The following STK40 variants were observed in gnomAD, a reference collection of about 807,000 sequenced individuals.
STK40 encodes the protein serine/threonine-protein kinase 40.
A neutral mutation model predicts 47.9 loss-of-function variants in STK40; 13 were observed. The ratio of observed to expected loss-of-function variants is 0.27; its 90% CI spans 0.18 to 0.43. The LOEUF (loss-of-function observed/expected upper bound fraction) is 0.43. STK40 is among the 20% of genes least tolerant of loss of function. The pLI, the probability that STK40 is intolerant of heterozygous loss-of-function variation, is 1.00. For missense variants in STK40, 460 were observed against 595.1 expected (o/e 0.77, Z 2.36); for synonymous variants, 225 against 243.2 (o/e 0.93, Z 0.69).
At chr1:36,374,759 C>T (rs746427233) in intron 1 of STK40, among the ~76,000 whole-genome samples, 22 of 152,224 alleles carry the variant, frequency 1.4e-4, no homozygotes, top group Non-Finnish European at 2.8e-4. Context: ...AGGGTGCCTT[C>T]TGCCATGCGC....
chr1:36,339,900 C>G lies in STK40; in HGVS notation c.*1855G>C, dbSNP rs1461185918. On this transcript the variant is annotated 3_prime_UTR_variant, in exon 11 of 11. Coordinates refer to ENST00000373132, the MANE Select transcript of STK40 (RefSeq NM_001282547.2). ...ATTGCTTTGAAAAGGAGGAGAAAGA[C>G]CACGCACGGGCAGCAGCCTGGAGGG... The G allele has an allele frequency of 6.6e-6, 1 of 152,470 alleles. No homozygotes were observed. The highest frequency in any genetic ancestry group is 1.9e-4 in the East Asian group (1 of 5,180). The allele number at this position is 152,470 out of a possible 1,614,324, so 9.4% of individuals were successfully genotyped here.
chr1:36,349,386 G>A (rs532821603), intron 6 of STK40, among the ~76,000 whole-genome samples: 2 of 152,294 alleles, frequency 1.3e-5, no homozygotes, highest in African/African-American at 2.4e-5. Flanking sequence ...ATTTTCTCAC[G>A]GTCCTGTTTC....
chr1:36,350,859 A>G (rs1490690877), intron 6 of STK40, among the ~76,000 whole-genome samples: 1 of 152,204 alleles, frequency 6.6e-6, no homozygotes, highest in South Asian at 2.1e-4. Context: ...TGCAGGGCTG[A>G]GCGGCAGGCG....
chr1:36,343,182 G>A (rs1379694848), intron 10 of STK40, 182 bp downstream of exon 10: 1 of 750,524 alleles, frequency 1.3e-6, no homozygotes, highest in East Asian at 2.7e-5. Context: ...CCAAGCCCAA[G>A]GCAGGCCCCA....
At position 36,358,365 on chromosome 1, in the gene STK40, C is replaced by A; in HGVS notation, c.216G>T (p.Glu72Asp). ...FYQLKILTLE[E>D]RGDQGIESQE... ...GGCTCTCTATGCCTTGGTCCCCCCT[C>A]TCCTCCAGGGTCAGGATCTTTAGGA... Residue 72 changes from glutamate (E) to aspartate (D), a missense_variant, in exon 4 of 11, where the codon GAG (glutamate) becomes GAT (aspartate). Glu to Asp is a conservative substitution (Grantham distance 45, BLOSUM62 2). This residue lies in a region of STK40 where 277 missense variants were observed against 358.7 expected (regional missense o/e 0.77). Transcript: ENST00000373132. 1.2e-6 allele frequency: 2 copies of A among 1,604,030 alleles called. No homozygotes were observed. Among genetic ancestry groups the A allele is most frequent in the South Asian group, 1.1e-5 (1 of 90,816 alleles).
intron 1 of STK40, among the ~76,000 whole-genome samples, chr1:36,376,305 G>A (rs1361122855): frequency 6.6e-6 from 1 of 152,152 alleles, no homozygotes; most frequent in African/African-American, 2.4e-5. Flanking sequence ...CTTATATGTA[G>A]GTCTCGAGAA....
At chr1:36,355,123 G>T in intron 5 of STK40, 83 bp downstream of exon 5, 2 of 1,418,936 alleles carry the variant, frequency 1.4e-6, no homozygotes, top group Non-Finnish European at 2.0e-6. Context: ...TGGGTGCACA[G>T]GACAGAGCTG....
chr1:36,379,840 T>C (rs1647025302), intron 1 of STK40, among the ~76,000 whole-genome samples: 1 of 152,168 alleles, frequency 6.6e-6, no homozygotes, highest in Non-Finnish European at 1.5e-5. Flanking sequence ...TAATAAAGGA[T>C]AGTCTTTGAG....
At chr1:36,344,563 C>T (rs989986568) in intron 7 of STK40, among the ~76,000 whole-genome samples, 1 of 152,224 alleles carries the variant, frequency 6.6e-6, no homozygotes, top group African/African-American at 2.4e-5. Flanking sequence ...AGCTCACAAG[C>T]AGGGGGTCAA....
At chr1:36,352,927 G>A (rs888874960) in intron 6 of STK40, among the ~76,000 whole-genome samples, 2 of 152,230 alleles carry the variant, frequency 1.3e-5, no homozygotes, top group African/African-American at 4.8e-5. Context: ...GCACAGCATC[G>A]TCCCGATGGC....
chr1:36,377,468 G>A (rs1172482391), intron 1 of STK40, among the ~76,000 whole-genome samples: 1 of 150,150 alleles, frequency 6.7e-6, no homozygotes, highest in African/African-American at 2.5e-5. Flanking sequence ...GGGAGGCGGA[G>A]GTTGCAGTGA....
In STK40 at chr1:36,366,263, T is replaced by TC. The variant is rs546649445; in HGVS notation, c.-8-4924dup. On this transcript the variant is annotated intron_variant, in intron 1 of 10. Coordinates refer to ENST00000373132, the MANE Select transcript of STK40 (RefSeq NM_001282547.2). ...CAGTGGGCTCAGCCTGACCCGCCCC[T>TC]CCCCCATCTCAGGATTCGACTCAAG... 1.2e-4 allele frequency among the ~76,000 whole-genome samples: 18 copies of TC among 151,934 alleles called. No homozygotes were observed. The South Asian group carries it at 3.1e-3, about 26-fold the overall frequency.
chr1:36,382,801 TCTTA>T lies in STK40; in HGVS notation c.-9+2918_-9+2921del, dbSNP rs1203009036. Among the ~76,000 whole-genome samples the T allele has an allele frequency of 2.6e-5, 4 of 152,190 alleles. No homozygotes were observed. The South Asian group carries it at 6.2e-4, about 24-fold the overall frequency. ...TCTGTTAAGTACTCATCCTGTAACA[TCTTA>T]CTTACTCCTCACAACTGCCCTATTA... On this transcript the variant is annotated intron_variant, in intron 1 of 10. Transcript: ENST00000373132.
chr1:36,362,881 G>A (rs192387729), intron 1 of STK40, among the ~76,000 whole-genome samples: 111 of 152,194 alleles, frequency 7.3e-4, no homozygotes, highest in Non-Finnish European at 1.3e-3. Context: ...GAGGTCTGGC[G>A]CATTGACTCC....
At position 36,344,233 on chromosome 1, in the gene STK40, C is replaced by A; in HGVS notation, c.771G>T (p.Met257Ile). 1.2e-6 allele frequency: 2 copies of A among 1,611,914 alleles called. No homozygotes were observed. The highest frequency in any genetic ancestry group is 1.1e-5 in the South Asian group (1 of 90,904). ...TGAAGAGCACCACGCCCAGGGCCCA[C>A]ATGTCACTGGGCTTGCCACGGTACG... ...GRPYRGKPSD[M>I]WALGVVLFTM... Residue 257 changes from methionine to isoleucine, a missense_variant, in exon 8 of 11, where the codon ATG becomes ATT. Coordinates refer to ENST00000373132, the MANE Select transcript of STK40 (RefSeq NM_001282547.2).
Position 36,343,930 on chromosome 1 carries a change from C to T in STK40, c.934G>A (p.Val312Ile). Residue 312 changes from valine to isoleucine, a missense_variant, in exon 9 of 11, where the codon GTC becomes ATC. Transcript: ENST00000373132. ...NTVCLIRKLL[V>I]LDPQQRLAAA... ...GCCAGGCGCTGCTGGGGGTCAAGGA[C>T]CAGCAGCTTCCGGATGAGACACACG... 6.2e-7 allele frequency: 1 copy of T among 1,608,666 alleles called. No homozygotes were observed.
rs575813426 is a variant in STK40 at position 36,356,353 on chromosome 1, G to A, written c.343-920C>T. On this transcript the variant is annotated intron_variant, in intron 4 of 10. Coordinates refer to ENST00000373132, the MANE Select transcript of STK40 (RefSeq NM_001282547.2). ...CTTGAGGAAGTCCTTGGTGTCATGCGGGGTAGACTGACTGTCCCCTCTGGG... is the reference window on the plus strand; with the variant it reads ...CTTGAGGAAGTCCTTGGTGTCATGCAGGGTAGACTGACTGTCCCCTCTGGG... Among the ~76,000 whole-genome samples the A allele has an allele frequency of 2.6e-5, 4 of 152,040 alleles. No individual in the cohort carries two copies. The South Asian group carries it at 6.2e-4, about 24-fold the overall frequency.
intron 10 of STK40, chr1:36,342,526 G>A (rs535599494): frequency 3.7e-5 from 6 of 163,056 alleles, no homozygotes; most frequent in Non-Finnish European, 8.1e-5. Context: ...TAAGCTGTGT[G>A]GCTTTGGGAA....
chr1:36,361,482 C>T, intron 1 of STK40, 142 bp from the exon 2 acceptor site: 2 of 1,417,762 alleles, frequency 1.4e-6, no homozygotes, highest in East Asian at 2.4e-5. Context: ...AGGGGAGCAT[C>T]CAAGGCTCCA....
Sources: allele counts gnomAD v4.1 joint callset (sites outside exome capture counted in the v4.1 genomes callset), GRCh38; gene constraint gnomAD v4.1.1; regional missense constraint gnomAD v4.1.1; transcripts MANE v1.5; gene names NCBI Gene and HGNC (gene_info 2026-07-23, HGNC 2026-07-21).